Variants in SLC27A3 observed in about 807,000 individuals in gnomAD.
The protein encoded by SLC27A3 is solute carrier family 27 member 3, also known as long-chain fatty acid transport protein 3.
In SLC27A3, 60 loss-of-function variants were observed where a neutral mutation model predicts 60.1. The observed-to-expected ratio is 1.00, with a 90% CI of 0.81 to 1.24. The LOEUF is 1.24. Ranked by LOEUF, SLC27A3 falls within the 50% of genes most tolerant of loss-of-function variation. The probability of loss-of-function intolerance (pLI) is 0.00; values close to 1 mark genes in which losing one functional copy is unlikely to be tolerated. For synonymous variants in SLC27A3, 455 were observed against 409.0 expected, an observed-to-expected ratio of 1.11 and a Z score of -1.36; for missense variants, 1,079 against 929.9, an observed-to-expected ratio of 1.16 and a Z score of -2.09.
At position 153,778,488 on chromosome 1, in the gene SLC27A3, G is replaced by C. The variant is rs189944468; in HGVS notation, c.1382G>C (p.Arg461Pro). The change falls in exon 6 of 10, where the codon CGC becomes CCC. Residue 461 changes from arginine (R) to proline (P), a missense_variant. Arg to Pro is a moderately radical substitution (Grantham distance 103). Coordinates refer to ENST00000624995, the MANE Select transcript of SLC27A3 (RefSeq NM_024330.4). ...YKHIFPFSLI[R>P]YDVTTGEPIR... The stretch of plus-strand genomic sequence containing the variant: ...CATATCTTCCCCTTCTCCTTGATTC[G>C]CTATGATGTCACCACAGGAGAGCCA... 2,022 of 1,614,190 alleles carry C rather than the reference G, an allele frequency of 1.3e-3. 18 individuals carry two copies. Among genetic ancestry groups the C allele is most frequent in the Non-Finnish European group, 6.6e-4 (779 of 1,180,028 alleles).
In SLC27A3 at chr1:153,779,209, C is replaced by T; in HGVS notation, c.1742C>T (p.Pro581Leu). 6.2e-7 allele frequency: 1 copy of T among 1,614,106 alleles called. No individual in the cohort carries two copies. Among genetic ancestry groups the T allele is most frequent in the African/African-American group, 1.3e-5 (1 of 75,036 alleles). ...QEVNVYGVTVPGHEGRAGMAA... is the reference protein window; with the variant it reads ...QEVNVYGVTVLGHEGRAGMAA... Reference sequence around the variant, plus strand: ...GTGAACGTCTATGGAGTCACTGTGCCAGGTGCCTAGGCATGGAAGGTGGGG... The same window carrying T: ...GTGAACGTCTATGGAGTCACTGTGCTAGGTGCCTAGGCATGGAAGGTGGGG... The change falls in exon 8 of 10, where the codon CCA becomes CTA. Residue 581 changes from proline (P) to leucine (L), a missense_variant and splice_region_variant. Transcript: ENST00000624995.
Position 153,778,267 on chromosome 1 carries a change from A to G in SLC27A3, c.1268A>G (p.Glu423Gly), listed in dbSNP as rs766668912. The change falls in exon 5 of 10, where the codon GAG (glutamate) becomes GGG (glycine). Residue 423 changes from glutamate to glycine, a missense_variant. Glu to Gly is a moderately conservative substitution (Grantham distance 98). Coordinates refer to ENST00000624995, the MANE Select transcript of SLC27A3 (RefSeq NM_024330.4). ...CGCTTCGGGCCCCTGCAGGTGCTGG[A>G]GACATATGGACTGACAGAGGGCAAC... ...VRRFGPLQVL[E>G]TYGLTEGNVA... is the part of the protein sequence containing the mutation. 1.9e-5 allele frequency: 30 copies of G among 1,614,054 alleles called. No homozygotes were observed. Among genetic ancestry groups the G allele is most frequent in the East Asian group, 2.2e-5 (1 of 44,894 alleles).
At position 153,779,349 on chromosome 1, in the gene SLC27A3, A is replaced by G; in HGVS notation, c.1751A>G (p.Glu584Gly). ...TGTCTCCCACACCCACCAGGGCATG[A>G]AGGCAGGGCTGGAATGGCAGCCCTA... ...NVYGVTVPGH[E>G]GRAGMAALVL... Residue 584 changes from glutamate to glycine, a missense_variant, in exon 9 of 10, where the codon GAA (glutamate) becomes GGA (glycine). Physicochemically the swap from Glu to Gly is moderately conservative, Grantham distance 98. Coordinates refer to ENST00000624995, the MANE Select transcript of SLC27A3 (RefSeq NM_024330.4). 1 of 1,613,966 alleles carries G rather than the reference A, an allele frequency of 6.2e-7. No homozygotes were observed. Among genetic ancestry groups the G allele is most frequent in the Non-Finnish European group, 8.5e-7 (1 of 1,179,936 alleles).
chr1:153,775,690 T>C lies in SLC27A3; in HGVS notation c.193T>C (p.Cys65Arg). 1.3e-6 allele frequency: 2 copies of C among 1,531,052 alleles called. No homozygotes were observed. Among genetic ancestry groups the C allele is most frequent in the East Asian group, 2.3e-5 (1 of 43,480 alleles). The allele number at this position is 1,531,052 out of a possible 1,614,324, so 94.8% of individuals were successfully genotyped here. Residue 65 changes from cysteine to arginine, a missense_variant, in exon 1 of 10, where the codon TGC becomes CGC. Transcript: ENST00000624995. ...AADPEGPEGG[C>R]SLAWRLAELA... ...CGACCCGGAAGGTCCCGAGGGGGGCTGCAGCCTGGCCTGGCGCCTCGCGGA... is the reference window on the plus strand; with the variant it reads ...CGACCCGGAAGGTCCCGAGGGGGGCCGCAGCCTGGCCTGGCGCCTCGCGGA...
chr1:153,776,507 C>CA lies in SLC27A3; in HGVS notation c.668-10dup. ...CCAGGGCCCCGGCGTTGTGCTTTCC[C>CA]ACCCTTCTAGAGTTTCTGGAGTCCC... is the stretch of plus-strand genomic sequence containing the variant. On this transcript the variant is annotated splice_polypyrimidine_tract_variant and intron_variant, in intron 1 of 9. Transcript: ENST00000624995. 1 of 1,610,846 alleles carries CA rather than the reference C, an allele frequency of 6.2e-7. No individual in the cohort carries two copies. Among genetic ancestry groups the CA allele is most frequent in the Non-Finnish European group, 8.5e-7 (1 of 1,178,656 alleles).
At position 153,775,744 on chromosome 1, in the gene SLC27A3, T is replaced by A. The variant is rs772801728; in HGVS notation, c.247T>A (p.Phe83Ile). The A allele has an allele frequency of 6.3e-5, 96 of 1,513,814 alleles. No individual in the cohort carries two copies. The Middle Eastern group carries it at 7.4e-4, about 12-fold the overall frequency. 93.8% of individuals were successfully genotyped at this position (1,513,814 alleles called of 1,614,324 possible). Residue 83 changes from phenylalanine to isoleucine, a missense_variant, in exon 1 of 10, where the codon TTT (phenylalanine) becomes ATT (isoleucine). Coordinates refer to ENST00000624995, the MANE Select transcript of SLC27A3 (RefSeq NM_024330.4). The stretch of plus-strand genomic sequence containing the variant: ...GGCCCAGCAGCGCGCCGCGCACACC[T>A]TTCTCATTCACGGCTCGCGGCGCTT... ...ELAQQRAAHTFLIHGSRRFSY... is the reference protein window; with the variant it reads ...ELAQQRAAHTILIHGSRRFSY...
At position 153,780,049 on chromosome 1, in the gene SLC27A3, G is replaced by A. The variant is rs764383889; in HGVS notation, c.*47G>A. On this transcript the variant is annotated 3_prime_UTR_variant, in exon 10 of 10. Coordinates refer to ENST00000624995, the MANE Select transcript of SLC27A3 (RefSeq NM_024330.4). ...CTGAGAGAGGAACTCTGTGGGGTGG[G>A]GGCCGTTGCAGGTGTACTGGGCTGT... 1.9e-6 allele frequency: 3 copies of A among 1,551,592 alleles called. No homozygotes were observed. Among genetic ancestry groups the A allele is most frequent in the Non-Finnish European group, 2.6e-6 (3 of 1,141,552 alleles).
rs760638349 is a variant in SLC27A3 at position 153,778,677 on chromosome 1, ACT to A, written c.1448-7_1448-6del. 8.7e-6 allele frequency: 14 copies of A among 1,612,482 alleles called. No homozygotes were observed. Among genetic ancestry groups the A allele is most frequent in the South Asian group, 5.5e-5 (5 of 91,068 alleles). ...GGTGACACCACTCCTGACCCTGGTG[ACT>A]CTGCCAGGTGAGCCAGGGCTGCTGG... On this transcript the variant is annotated splice_region_variant and splice_polypyrimidine_tract_variant and intron_variant, in intron 6 of 9. Transcript: ENST00000624995.
Position 153,775,643 on chromosome 1 carries a change from G to A in SLC27A3, c.146G>A (p.Arg49His), listed in dbSNP as rs892817725. The A allele has an allele frequency of 1.3e-6, 2 of 1,536,698 alleles. No individual in the cohort carries two copies. Among genetic ancestry groups the A allele is most frequent in the African/African-American group, 1.4e-5 (1 of 73,438 alleles). ...TGCTGCAAAAGGGCTCTTCGAGCTC[G>A]CGCCCTGGCCGCGGCTGCCGCCGAC... ...ALCCKRALRA[R>H]ALAAAAADPE... The change falls in exon 1 of 10, where the codon CGC (arginine) becomes CAC (histidine). Residue 49 changes from arginine (R) to histidine (H), a missense_variant. Coordinates refer to ENST00000624995, the MANE Select transcript of SLC27A3 (RefSeq NM_024330.4).
chr1:153,776,946 T>C, intron 2 of SLC27A3, 116 bp from the exon 3 acceptor site: 1 of 1,224,664 alleles, frequency 8.2e-7, no homozygotes, highest in Non-Finnish European at 1.2e-6. Context: ...GTCTCGGTCC[T>C]CAGCTTCTGT....
chr1:153,776,523 C>T lies in SLC27A3; in HGVS notation c.673C>T (p.Leu225=). ...ARALVLAPEF[L]ESLEPDLPAL... The stretch of plus-strand genomic sequence containing the variant: ...GTGCTTTCCCACCCTTCTAGAGTTT[C>T]TGGAGTCCCTGGAGCCGGACCTGCC... The change falls in exon 2 of 10, where the codon CTG becomes TTG. Residue 225 remains leucine (L), a synonymous_variant. Transcript: ENST00000624995. 6.2e-7 allele frequency: 1 copy of T among 1,613,536 alleles called. No individual in the cohort carries two copies. The highest frequency in any genetic ancestry group is 8.5e-7 in the Non-Finnish European group (1 of 1,179,878).
Position 153,775,415 on chromosome 1 carries a change from C to T in SLC27A3, c.-83C>T. On this transcript the variant is annotated 5_prime_UTR_variant, in exon 1 of 10. Coordinates refer to ENST00000624995, the MANE Select transcript of SLC27A3 (RefSeq NM_024330.4). ...AAGGAGAAGTCTCAGCTAGAACGAG[C>T]GGCCCTAGGTTTTCGGAAGGGAGGA... is the stretch of plus-strand genomic sequence containing the variant. 3.1e-6 allele frequency: 5 copies of T among 1,611,536 alleles called. No homozygotes were observed. The highest frequency in any genetic ancestry group is 4.2e-6 in the Non-Finnish European group (5 of 1,179,990).
At position 153,776,666 on chromosome 1, in the gene SLC27A3, C is replaced by A. The variant is rs373089628; in HGVS notation, c.816C>A (p.Tyr272Ter). The A allele has an allele frequency of 6.2e-7, 1 of 1,614,188 alleles. No individual in the cohort carries two copies. Among genetic ancestry groups the A allele is most frequent in the Admixed American group, 1.7e-5 (1 of 60,030 alleles). The change falls in exon 2 of 10, where the codon TAC (tyrosine) becomes TAA (stop). Residue 272 changes from tyrosine (Y) to a stop codon, truncating the protein, a stop_gained. Coordinates refer to ENST00000624995, the MANE Select transcript of SLC27A3 (RefSeq NM_024330.4). LOFTEE classifies it high-confidence loss of function. ...SAEVDGPVPG[Y>*]LSSPQSITDT... The stretch of plus-strand genomic sequence containing the variant: ...AAGTGGATGGGCCAGTGCCAGGATA[C>A]CTCTCTTCCCCCCAGAGCATAACAG...
In SLC27A3 at chr1:153,777,043, C is replaced by T; in HGVS notation, c.878-19C>T. 6.2e-7 allele frequency: 1 copy of T among 1,613,742 alleles called. No homozygotes were observed. On this transcript the variant is annotated intron_variant, in intron 2 of 9. Transcript: ENST00000624995. ...GAGTTTGCCCTTCCCCTGATCGTCC[C>T]ATAACTGCCACCCCACAGGCCTCCC...
Position 153,779,903 on chromosome 1 carries a change from G to C in SLC27A3, c.1953G>C (p.Leu651=), listed in dbSNP as rs761325021. The change falls in exon 10 of 10, where the codon CTG becomes CTC. Residue 651 remains leucine, a synonymous_variant. Transcript: ENST00000624995. ...MANEGFDPST[L]SDPLYVLDQA... The stretch of plus-strand genomic sequence containing the variant: ...ATGAGGGCTTCGACCCCAGCACCCT[G>C]TCTGACCCACTGTACGTTCTGGACC... 6.2e-7 allele frequency: 1 copy of C among 1,614,044 alleles called. No homozygotes were observed. Among genetic ancestry groups the C allele is most frequent in the Non-Finnish European group, 8.5e-7 (1 of 1,180,012 alleles).
At chr1:153,777,572 C>T in intron 3 of SLC27A3, 189 bp from the exon 4 acceptor site, 1 of 731,390 alleles carries the variant, frequency 1.4e-6, no homozygotes, top group Non-Finnish European at 2.3e-6. Flanking sequence ...TTCACCTCTT[C>T]TAAGGCTGGG....
At chr1:153,778,665 C>T in intron 6 of SLC27A3, 22 bp from the exon 7 acceptor site, 1 of 1,612,502 alleles carries the variant, frequency 6.2e-7, no homozygotes, top group Non-Finnish European at 8.5e-7. Flanking sequence ...GACACCACTC[C>T]TGACCCTGGT....
At position 153,775,710 on chromosome 1, in the gene SLC27A3, C is replaced by A; in HGVS notation, c.213C>A (p.Leu71=). 1.3e-6 allele frequency: 2 copies of A among 1,528,726 alleles called. No individual in the cohort carries two copies. Among genetic ancestry groups the A allele is most frequent in the Admixed American group, 2.1e-5 (1 of 46,802 alleles). 94.7% of individuals were successfully genotyped at this position (1,528,726 alleles called of 1,614,324 possible). ...GGGGCTGCAGCCTGGCCTGGCGCCT[C>A]GCGGAACTGGCCCAGCAGCGCGCCG... The part of the protein sequence containing the change: ...PEGGCSLAWR[L]AELAQQRAAH... Residue 71 remains leucine, a synonymous_variant, in exon 1 of 10, where the codon CTC becomes CTA. Transcript: ENST00000624995.
chr1:153,779,073 T>C (rs1034602330), intron 7 of SLC27A3, 41 bp from the exon 8 acceptor site: 1 of 1,602,388 alleles, frequency 6.2e-7, no homozygotes, highest in Admixed American at 1.7e-5. Context: ...CATAAGGCCC[T>C]GACCCCTGAC....
Sources: allele counts gnomAD v4.1 joint callset, GRCh38; gene constraint gnomAD v4.1.1; transcripts MANE v1.5; gene names NCBI Gene and HGNC (gene_info 2026-07-23, HGNC 2026-07-21).